DCC: variants seen among roughly 807,000 people sequenced by gnomAD.
The protein encoded by DCC is DCC netrin 1 receptor.
A neutral mutation model predicts 172.5 loss-of-function variants in DCC; 58 were observed. That is an observed-to-expected ratio of 0.34 (90% CI 0.27 to 0.42). DCC has a LOEUF of 0.42. DCC is among the 10% of genes least tolerant of loss of function. DCC has a pLI of 1.00. For synonymous variants in DCC, 709 were observed against 644.5 expected, an observed-to-expected ratio of 1.10 and a Z score of -1.52; for missense variants, 1,740 against 1,791.0, an observed-to-expected ratio of 0.97 and a Z score of 0.51.
chr18:52,908,860 A>G (rs2145454039), intron 3 of DCC, among the ~76,000 whole-genome samples: 1 of 152,336 alleles, frequency 6.6e-6, no homozygotes, highest in Middle Eastern at 3.4e-3. Flanking sequence ...GAATTCAAAT[A>G]TAAACTTTAG....
At chr18:52,434,898 C>T (rs1189608666) in intron 1 of DCC, among the ~76,000 whole-genome samples, 12 of 152,186 alleles carry the variant, frequency 7.9e-5, no homozygotes, top group Non-Finnish European at 2.9e-5. Context: ...ATATATTCCT[C>T]ATACCAGTAA....
At chr18:52,814,926 G>C (rs1267660603) in intron 2 of DCC, among the ~76,000 whole-genome samples, 1 of 152,086 alleles carries the variant, frequency 6.6e-6, no homozygotes. Context: ...AAAAAAATGA[G>C]GCTATATTTC....
chr18:53,097,287 G>T (rs1239948942), intron 7 of DCC, among the ~76,000 whole-genome samples: 1 of 152,142 alleles, frequency 6.6e-6, no homozygotes, highest in Non-Finnish European at 1.5e-5. Flanking sequence ...GAAGAAATGG[G>T]CTGATCACTT....
intron 1 of DCC, among the ~76,000 whole-genome samples, chr18:52,612,715 C>T (rs1415413331): frequency 1.3e-5 from 2 of 152,176 alleles, no homozygotes; most frequent in African/African-American, 4.8e-5. Context: ...GTATGCTCTG[C>T]ATTTACTTAA....
At chr18:52,366,469 C>T (rs1211250447) in intron 1 of DCC, among the ~76,000 whole-genome samples, 9 of 152,236 alleles carry the variant, frequency 5.9e-5, no homozygotes, top group African/African-American at 9.6e-5. Flanking sequence ...TTTGTCAGGG[C>T]GCTGATTGGT....
At chr18:52,542,590 C>A (rs4127432) in intron 1 of DCC, among the ~76,000 whole-genome samples, 1 of 152,168 alleles carries the variant, frequency 6.6e-6, no homozygotes, top group East Asian at 1.9e-4. Context: ...AATCCCAACA[C>A]TTTGGAAGGC....
chr18:52,456,949 G>GT lies in DCC; in HGVS notation c.91+116081dup, dbSNP rs1057494777. 2.7e-3 allele frequency among the ~76,000 whole-genome samples: 404 copies of GT among 148,472 alleles called. 2 individuals are homozygous for GT. Among genetic ancestry groups the GT allele is most frequent in the East Asian group, 8.5e-3 (43 of 5,064 alleles). ...TCTAGTATTTTCATTTTTCATACTTGTTTTTTTTTTAAAAAAATAGTATTT... is the reference window on the plus strand; with the variant it reads ...TCTAGTATTTTCATTTTTCATACTTGTTTTTTTTTTTAAAAAAATAGTATTT... On this transcript the variant is annotated intron_variant, in intron 1 of 28. Transcript: ENST00000442544.
chr18:53,042,012 A>T (rs1176404957), intron 5 of DCC, among the ~76,000 whole-genome samples: 1 of 151,952 alleles, frequency 6.6e-6, no homozygotes, highest in African/African-American at 2.4e-5. Context: ...TTCTTGCCAG[A>T]TTGTCCTGAC....
At chr18:52,452,462 G>A (rs1046927742) in intron 1 of DCC, among the ~76,000 whole-genome samples, 1 of 152,042 alleles carries the variant, frequency 6.6e-6, no homozygotes, top group African/African-American at 2.4e-5. Context: ...CTTGATATTC[G>A]AGGGTTGGAT....
chr18:52,692,075 G>A (rs2035937504), intron 1 of DCC, among the ~76,000 whole-genome samples: 1 of 152,168 alleles, frequency 6.6e-6, no homozygotes, highest in South Asian at 2.1e-4. Flanking sequence ...CACTGTTAGT[G>A]ATGTGAGCTT....
At chr18:53,346,740 G>C (rs2057730487) in intron 15 of DCC, among the ~76,000 whole-genome samples, 1 of 152,024 alleles carries the variant, frequency 6.6e-6, no homozygotes, top group Admixed American at 6.6e-5. Flanking sequence ...ATGTTTCTCT[G>C]ATAATTTCAA....
chr18:52,848,331 C>T (rs374927461), intron 2 of DCC, among the ~76,000 whole-genome samples: 4 of 152,036 alleles, frequency 2.6e-5, no homozygotes, highest in African/African-American at 9.7e-5. Context: ...AGGTGATTTG[C>T]CCACCTCGGC....
intron 15 of DCC, among the ~76,000 whole-genome samples, chr18:53,343,799 A>G (rs577591693): frequency 6.4e-4 from 98 of 152,058 alleles, no homozygotes; most frequent in Non-Finnish European, 1.2e-3. Context: ...TTTTTTTTAT[A>G]GGAAGGCTTT....
At chr18:52,574,023 C>T (rs186565316) in intron 1 of DCC, among the ~76,000 whole-genome samples, 1 of 152,234 alleles carries the variant, frequency 6.6e-6, no homozygotes, top group East Asian at 1.9e-4. Flanking sequence ...ATTCTTAAGT[C>T]CAACACACAT....
At chr18:53,189,915 G>A (rs1568355567) in intron 9 of DCC, among the ~76,000 whole-genome samples, 1 of 152,072 alleles carries the variant, frequency 6.6e-6, no homozygotes. Flanking sequence ...GCCAACAACA[G>A]GACTCTGATT....
rs373097452 is a variant in DCC, at chr18:53,529,470, A to G, written c.4255-1094A>G. 6.6e-5 allele frequency among the ~76,000 whole-genome samples: 10 copies of G among 152,212 alleles called. No individual in the cohort carries two copies. The East Asian group carries it at 1.2e-3, about 18-fold the overall frequency. On this transcript the variant is annotated intron_variant, in intron 28 of 28. Coordinates refer to ENST00000442544, the MANE Select transcript of DCC (RefSeq NM_005215.4). ...CAAGAATAATAAGTAGAACATCTGTATAAGTCAACTAATATGTTCAAGAAA... is the reference window on the plus strand; with the variant it reads ...CAAGAATAATAAGTAGAACATCTGTGTAAGTCAACTAATATGTTCAAGAAA...
At chr18:53,013,525 C>A (rs1175859988) in intron 5 of DCC, among the ~76,000 whole-genome samples, 2 of 151,714 alleles carry the variant, frequency 1.3e-5, no homozygotes, top group African/African-American at 4.8e-5. Context: ...GAACATCACA[C>A]AACAGGGCAT....
At chr18:52,389,095 G>A (rs566057179) in intron 1 of DCC, among the ~76,000 whole-genome samples, 3 of 152,182 alleles carry the variant, frequency 2.0e-5, no homozygotes, top group South Asian at 2.1e-4. Context: ...GGCTGCATAC[G>A]CACAGGGTGA....
chr18:53,363,449 A>G (rs571059664), intron 15 of DCC, among the ~76,000 whole-genome samples: 2 of 152,312 alleles, frequency 1.3e-5, no homozygotes, highest in East Asian at 1.9e-4. Context: ...AAAAGATAAT[A>G]TATTCTTACA....
Sources: allele counts gnomAD v4.1 joint callset (sites outside exome capture counted in the v4.1 genomes callset), GRCh38; gene constraint gnomAD v4.1.1; transcripts MANE v1.5; gene names NCBI Gene and HGNC (gene_info 2026-07-23, HGNC 2026-07-21).